The following APOA2 variants were observed in gnomAD, a reference collection of about 807,000 sequenced individuals.
The protein encoded by APOA2 is apolipoprotein A-II.
Under a neutral mutation model 7.4 loss-of-function variants are expected in APOA2, and 3 were observed. That is an observed-to-expected ratio of 0.41 (90% CI 0.18 to 1.05). The LOEUF (loss-of-function observed/expected upper bound fraction) is 1.05, where lower values mean the gene tolerates loss of function less well. Ranked by LOEUF, APOA2 falls within the 50% of genes least tolerant of loss-of-function variation. The pLI, the probability that APOA2 is intolerant of heterozygous loss-of-function variation, is 0.33. For synonymous variants in APOA2, 42 were observed against 47.8 expected (o/e 0.88, Z 0.50); for missense variants, 90 against 116.3 (o/e 0.77, Z 1.04).
In APOA2 at chr1:161,222,521, A is replaced by T; in HGVS notation, c.187T>A (p.Ser63Thr). 1 of 1,613,330 alleles carries T rather than the reference A, an allele frequency of 6.2e-7. No individual in the cohort carries two copies. Among genetic ancestry groups the T allele is most frequent in the Non-Finnish European group, 8.5e-7 (1 of 1,179,312 alleles). The stretch of plus-strand genomic sequence containing the variant: ...TGCTCCTTTGACTTTTCAAAGTAAG[A>T]CCTGGATAGGTGAGGGGATTAGAGT... Reference protein sequence around the residue: ...KSPELQAEAKSYFEKSKEQLT... With the variant: ...KSPELQAEAKTYFEKSKEQLT... Residue 63 changes from serine (S) to threonine (T), a missense_variant and splice_region_variant, in exon 4 of 4, where the codon TCT becomes ACT. By Grantham distance (58) the Ser-to-Thr change is moderately conservative. Transcript: ENST00000367990.
chr1:161,223,414 G>C lies in APOA2; in HGVS notation c.-13C>G. 1 of 1,612,228 alleles carries C rather than the reference G, an allele frequency of 6.2e-7. No individual in the cohort carries two copies. Among genetic ancestry groups the C allele is most frequent in the Non-Finnish European group, 8.5e-7 (1 of 1,179,190 alleles). On this transcript the variant is annotated 5_prime_UTR_variant, in exon 2 of 4. Coordinates refer to ENST00000367990, the MANE Select transcript of APOA2 (RefSeq NM_001643.2). ...CGAGCAGCTTCATGTTGGTAACAGTGGGGAGGGCGGCCTAGGAAGAGGGTG... is the reference window on the plus strand; with the variant it reads ...CGAGCAGCTTCATGTTGGTAACAGTCGGGAGGGCGGCCTAGGAAGAGGGTG...
In APOA2 at chr1:161,222,541, T is replaced by G. The variant is rs200191201; in HGVS notation, c.186-19A>C. ...GTAAGACCTGGATAGGTGAGGGGAT[T>G]AGAGTTTAATCTGAGGGACCCTAGG... On this transcript the variant is annotated intron_variant, in intron 3 of 3. Transcript: ENST00000367990. 3,060 of 1,605,320 alleles carry G rather than the reference T, an allele frequency of 1.9e-3. 4 individuals are homozygous for G. Among genetic ancestry groups the G allele is most frequent in the Non-Finnish European group, 2.4e-3 (2,758 of 1,172,064 alleles).
chr1:161,223,103 G>A, intron 2 of APOA2, 53 bp from the exon 3 acceptor site: 5 of 1,604,894 alleles, frequency 3.1e-6, no homozygotes, highest in Non-Finnish European at 4.2e-6. Flanking sequence ...ACTCTTTTCA[G>A]CTGGGTCCAC....
rs1335657512 is a variant in APOA2, at chr1:161,222,449, AG to A, written c.258del (p.Leu87Ter). The A allele has an allele frequency of 2.5e-6, 4 of 1,614,096 alleles. No individual in the cohort carries two copies. The highest frequency in any genetic ancestry group is 3.4e-6 in the Non-Finnish European group (4 of 1,180,040). On this transcript the variant is annotated frameshift_variant, in exon 4 of 4. Transcript: ENST00000367990. LOFTEE classifies it low-confidence loss of function (END_TRUNC). ...IKKAGTELVN[F>X]LSYFVELGTQ... ...GTTCCAAGTTCCACGAAATAGCTCAAGAAGTTAACCAGTTCCGTTCCAGCCT... is the reference window on the plus strand; with the variant it reads ...GTTCCAAGTTCCACGAAATAGCTCAAAAGTTAACCAGTTCCGTTCCAGCCT...
Position 161,222,876 on chromosome 1 carries a change from C to A in APOA2, c.185+42G>T, listed in dbSNP as rs1469946441. ...ACCTCTCATCTTCCCTTCTTTCTCT[C>A]CACAGTTCCACAGCCCCTGAACCCC... is the stretch of plus-strand genomic sequence containing the variant. On this transcript the variant is annotated intron_variant, in intron 3 of 3. Coordinates refer to ENST00000367990, the MANE Select transcript of APOA2 (RefSeq NM_001643.2). 2.5e-6 allele frequency: 4 copies of A among 1,614,172 alleles called. No individual in the cohort carries two copies. The Admixed American group carries it at 6.7e-5, about 27-fold the overall frequency.
chr1:161,222,369 G>A lies in APOA2; in HGVS notation c.*36C>T. The A allele has an allele frequency of 1.3e-6, 2 of 1,556,502 alleles. No individual in the cohort carries two copies. Among genetic ancestry groups the A allele is most frequent in the Non-Finnish European group, 1.8e-6 (2 of 1,127,828 alleles). On this transcript the variant is annotated 3_prime_UTR_variant, in exon 4 of 4. Coordinates refer to ENST00000367990, the MANE Select transcript of APOA2 (RefSeq NM_001643.2). ...AGGACTGGCCAGTGGGTGTTCTAGA[G>A]GCCAGCTGGGGTTGGAAGACAATGG...
In APOA2 at chr1:161,222,505, G is replaced by C; in HGVS notation, c.203C>G (p.Ser68Ter). The change falls in exon 4 of 4, where the codon TCA (serine) becomes TGA (stop). Residue 68 changes from serine to a stop codon, truncating the protein, a stop_gained. Transcript: ENST00000367990. LOFTEE classifies it low-confidence loss of function (END_TRUNC). ...QAEAKSYFEK[S>*]KEQLTPLIKK... ...GATCAGGGGTGTCAGCTGCTCCTTT[G>C]ACTTTTCAAAGTAAGACCTGGATAG... The C allele has an allele frequency of 6.2e-7, 1 of 1,614,144 alleles. No individual in the cohort carries two copies. The highest frequency in any genetic ancestry group is 8.5e-7 in the Non-Finnish European group (1 of 1,180,002).
At position 161,223,055 on chromosome 1, in the gene APOA2, CCACACACACACACA is replaced by C. The variant is rs17244502; in HGVS notation, c.53-19_53-6del. 3,610 of 1,565,692 alleles carry C rather than the reference CCACACACACACACA, an allele frequency of 2.3e-3. No homozygotes were observed. The highest frequency in any genetic ancestry group is 8.7e-3 in the Admixed American group (499 of 57,314). The stretch of plus-strand genomic sequence containing the variant: ...CCTGTCTCCGAACCAAAGCTCCTGC[CCACACACACACACA>C]CACACACACACACACACACACACAC... On this transcript the variant is annotated splice_region_variant and splice_polypyrimidine_tract_variant and intron_variant, in intron 2 of 3. Transcript: ENST00000367990.
chr1:161,222,374 G>A lies in APOA2; in HGVS notation c.*31C>T. On this transcript the variant is annotated 3_prime_UTR_variant, in exon 4 of 4. Transcript: ENST00000367990. ...TGGCCAGTGGGTGTTCTAGAGGCCA[G>A]CTGGGGTTGGAAGACAATGGTCTGG... is the stretch of plus-strand genomic sequence containing the variant. 6.3e-7 allele frequency: 1 copy of A among 1,575,886 alleles called. No individual in the cohort carries two copies. The highest frequency in any genetic ancestry group is 8.7e-7 in the Non-Finnish European group (1 of 1,145,360).
rs748263937 is a variant in APOA2 at position 161,223,056 on chromosome 1, CA to C, written c.53-7del. The stretch of plus-strand genomic sequence containing the variant: ...CTGTCTCCGAACCAAAGCTCCTGCC[CA>C]CACACACACACACACACACACACAC... On this transcript the variant is annotated splice_region_variant and splice_polypyrimidine_tract_variant and intron_variant, in intron 2 of 3. Coordinates refer to ENST00000367990, the MANE Select transcript of APOA2 (RefSeq NM_001643.2). The C allele has an allele frequency of 1.4e-3, 48 of 34,668 alleles. No homozygotes were observed. The highest frequency in any genetic ancestry group is 0.026 in the East Asian group (2 of 76). 2.1% of individuals were successfully genotyped at this position (34,668 alleles called of 1,614,324 possible).
intron 2 of APOA2, 83 bp from the exon 3 acceptor site, chr1:161,223,133 C>G: frequency 6.2e-7 from 1 of 1,601,052 alleles, no homozygotes; most frequent in Non-Finnish European, 8.5e-7. Flanking sequence ...TCCTGGCCTC[C>G]TGCCATACCT....
intron 3 of APOA2, 137 bp downstream of exon 3, chr1:161,222,781 A>AAAT (rs1666192151): frequency 7.7e-7 from 1 of 1,306,326 alleles, no homozygotes; most frequent in Admixed American, 1.9e-5. Flanking sequence ...TTGGGTGATG[A>AAAT]AATACTTTTT....
chr1:161,223,565 C>T (rs1032133346), intron 1 of APOA2, 30 bp downstream of exon 1: 4 of 704,598 alleles, frequency 5.7e-6, no homozygotes, highest in Non-Finnish European at 1.0e-5. Context: ...TCTTTGGATG[C>T]TGCTCACACA....
chr1:161,222,636 T>C, intron 3 of APOA2, 114 bp from the exon 4 acceptor site: 2 of 1,028,664 alleles, frequency 1.9e-6, no homozygotes, highest in East Asian at 2.4e-5. Context: ...CTCTAGTGCC[T>C]GGTCCATCGC....
At position 161,222,614 on chromosome 1, in the gene APOA2, C is replaced by T. The variant is rs1666189248; in HGVS notation, c.186-92G>A. On this transcript the variant is annotated intron_variant, in intron 3 of 3. Transcript: ENST00000367990. ...GGTGGGAGGTCAGAGCAGACTGACT[C>T]AGGTCCCCAAACTCTAGTGCCTGGT... 3 of 1,189,150 alleles carry T rather than the reference C, an allele frequency of 2.5e-6. No homozygotes were observed. In the Admixed American group the frequency reaches 5.1e-5, roughly 20 times the overall value. The allele number at this position is 1,189,150 out of a possible 1,614,324, so 73.7% of individuals were successfully genotyped here. A position where few individuals can be genotyped will look rare whatever the true frequency, so the allele number is the denominator to read the frequency against.
chr1:161,222,969 C>G lies in APOA2; in HGVS notation c.134G>C (p.Gly45Ala). Residue 45 changes from glycine to alanine, a missense_variant, in exon 3 of 4, where the codon GGC becomes GCC. Coordinates refer to ENST00000367990, the MANE Select transcript of APOA2 (RefSeq NM_001643.2). ...CTTGACCTTCTCCATCAGGTCCTTGCCATAGTCAGTCACGGTCTGGAAGTA... is the reference window on the plus strand; with the variant it reads ...CTTGACCTTCTCCATCAGGTCCTTGGCATAGTCAGTCACGGTCTGGAAGTA... Reference protein sequence around the residue: ...SQYFQTVTDYGKDLMEKVKSP... With the variant: ...SQYFQTVTDYAKDLMEKVKSP... 6.2e-7 allele frequency: 1 copy of G among 1,614,062 alleles called. No homozygotes were observed. The highest frequency in any genetic ancestry group is 8.5e-7 in the Non-Finnish European group (1 of 1,179,994).
Sources: gnomAD v4.1 joint callset for allele counts on GRCh38, gnomAD v4.1.1 for gene constraint, MANE v1.5 for transcripts, NCBI Gene and HGNC (gene_info 2026-07-23, HGNC 2026-07-21) for gene names.